Variants in NPAS3 observed in about 807,000 individuals in gnomAD.
The protein encoded by NPAS3 is neuronal PAS domain-containing protein 3.
NPAS3 carries 14 observed loss-of-function variants against 73.1 expected under a neutral mutation model. That is an observed-to-expected ratio of 0.19 (90% CI 0.13 to 0.30). The LOEUF (loss-of-function observed/expected upper bound fraction) is 0.30. Ranked by LOEUF, NPAS3 falls within the 10% of genes least tolerant of loss-of-function variation. NPAS3 has a pLI of 1.00. For synonymous variants in NPAS3, 620 were observed against 541.5 expected (o/e 1.14, Z -2.01); for missense variants, 1,096 against 1,250.0 (o/e 0.88, Z 1.86).
At chr14:33,570,238 A>C (rs999495642) in intron 5 of NPAS3, among the ~76,000 whole-genome samples, 3 of 152,246 alleles carry the variant, frequency 2.0e-5, no homozygotes, top group Non-Finnish European at 2.9e-5. Context: ...GATCGCTCCT[A>C]GTAAGCACAG....
chr14:33,277,658 C>T (rs1167080532), intron 3 of NPAS3, among the ~76,000 whole-genome samples: 1 of 152,134 alleles, frequency 6.6e-6, no homozygotes, highest in Non-Finnish European at 1.5e-5. Flanking sequence ...ATACAGATCC[C>T]TGAGAAGAGG....
chr14:33,551,832 T>C (rs1332782157), intron 4 of NPAS3, among the ~76,000 whole-genome samples: 1 of 152,220 alleles, frequency 6.6e-6, no homozygotes, highest in Admixed American at 6.5e-5. Context: ...GTCTTTTGAC[T>C]GCATGTTTTC....
chr14:32,989,910 C>A (rs1176955180), intron 1 of NPAS3, among the ~76,000 whole-genome samples: 1 of 152,070 alleles, frequency 6.6e-6, no homozygotes. Context: ...TTATTCCAGG[C>A]AAGACTTGGT....
Position 33,795,485 on chromosome 14 carries a change from A to C in NPAS3, c.1301+1441A>C, listed in dbSNP as rs117216393. Among the ~76,000 whole-genome samples, 393 of 152,320 alleles carry C rather than the reference A, an allele frequency of 2.6e-3. 4 individuals carry two copies. The highest frequency in any genetic ancestry group is 0.011 in the East Asian group (59 of 5,180). On this transcript the variant is annotated intron_variant, in intron 10 of 11. Coordinates refer to ENST00000356141, the Ensembl canonical transcript of NPAS3. The stretch of plus-strand genomic sequence containing the variant: ...TAAAAACTCACATGCCAGACAGAAA[A>C]TGGAATAAGGTCTTGTGGCACTGAC...
intron 2 of NPAS3, among the ~76,000 whole-genome samples, chr14:33,079,861 C>A (rs2041809456): frequency 6.6e-6 from 1 of 152,036 alleles, no homozygotes; most frequent in Non-Finnish European, 1.5e-5. Flanking sequence ...ATCTGCCCCC[C>A]TCAGCCTCCC....
rs532706903 is a variant in NPAS3 at position 32,990,069 on chromosome 14, G to T, written c.50+50703G>T. ...GGTTGGGTTCTACTCAGTACACTGT[G>T]TTTCTATTCCCTGAAACAGGGAATG... On this transcript the variant is annotated intron_variant, in intron 1 of 11. Transcript: ENST00000356141. Among the ~76,000 whole-genome samples the T allele has an allele frequency of 2.0e-5, 3 of 152,308 alleles. No individual in the cohort carries two copies. The South Asian group carries it at 6.2e-4, about 32-fold the overall frequency.
chr14:33,658,340 C>T (rs151230347), intron 5 of NPAS3, among the ~76,000 whole-genome samples: 1 of 152,272 alleles, frequency 6.6e-6, no homozygotes, highest in East Asian at 1.9e-4. Flanking sequence ...AACATTTAAG[C>T]CAGTAGTTTA....
intron 6 of NPAS3, among the ~76,000 whole-genome samples, chr14:33,710,289 G>A (rs2060781479): frequency 6.6e-6 from 1 of 152,150 alleles, no homozygotes; most frequent in South Asian, 2.1e-4. Context: ...CTAGAATAGA[G>A]CCAAAGTTGA....
intron 1 of NPAS3, among the ~76,000 whole-genome samples, chr14:33,030,617 C>T (rs185420139): frequency 6.6e-5 from 10 of 152,180 alleles, no homozygotes; most frequent in African/African-American, 7.2e-5. Context: ...AATGTCAAAA[C>T]AGGCGAAAAT....
chr14:33,411,394 G>C (rs1350625507), intron 4 of NPAS3, among the ~76,000 whole-genome samples: 2 of 152,106 alleles, frequency 1.3e-5, no homozygotes, highest in Non-Finnish European at 2.9e-5. Context: ...TGTTGGCCAG[G>C]CTGGTCTTGA....
intron 5 of NPAS3, among the ~76,000 whole-genome samples, chr14:33,666,543 G>A (rs1203610007): frequency 6.6e-6 from 1 of 152,220 alleles, no homozygotes; most frequent in African/African-American, 2.4e-5. Flanking sequence ...GGGAGCCCAT[G>A]CTGCATTTTA....
chr14:33,802,184 A>G (rs1226646960), downstream of NPAS3: 1 of 152,126 alleles, frequency 6.6e-6, no homozygotes, highest in East Asian at 1.9e-4. Flanking sequence ...GAAAATATTT[A>G]ACATGTTTTT....
chr14:33,146,538 T>C (rs562963733), intron 2 of NPAS3, among the ~76,000 whole-genome samples: 1 of 152,310 alleles, frequency 6.6e-6, no homozygotes, highest in East Asian at 1.9e-4. Context: ...CGCTGGAGGC[T>C]CAGTTATGAA....
chr14:33,226,612 C>A (rs943010313), intron 3 of NPAS3, among the ~76,000 whole-genome samples: 12 of 152,016 alleles, frequency 7.9e-5, no homozygotes, highest in African/African-American at 2.9e-4. Context: ...CTCAAGAAAC[C>A]AAATACAGTT....
At chr14:33,207,197 T>G (rs1235298707) in intron 2 of NPAS3, among the ~76,000 whole-genome samples, 2 of 151,622 alleles carry the variant, frequency 1.3e-5, no homozygotes, top group Non-Finnish European at 2.9e-5. Flanking sequence ...GATTAAGATC[T>G]GGATGCTTTC....
chr14:33,214,939 A>G, intron 2 of NPAS3: 1 of 515,238 alleles, frequency 1.9e-6, no homozygotes, highest in Non-Finnish European at 3.4e-6. Context: ...TGAAGGAAAA[A>G]AACCTTAACA....
upstream of NPAS3, among the ~76,000 whole-genome samples, chr14:32,938,486 T>TGACAGAGAGAGAGAGAGAGAGAGAGAGA (rs1555372900): frequency 6.7e-3 from 374 of 55,910 alleles, 61 homozygotes; most frequent in African/African-American, 0.018. Context: ...AGAGAGAAAT[T>TGACAGAGAGAGAGAGAGAGAGAGAGAGA]GAGAGAGAGA....
At chr14:33,524,426 A>G (rs954940629) in intron 4 of NPAS3, among the ~76,000 whole-genome samples, 1 of 152,202 alleles carries the variant, frequency 6.6e-6, no homozygotes, top group South Asian at 2.1e-4. Context: ...CAACAACCTA[A>G]TAAAGTAGAT....
At chr14:33,292,193 G>A (rs545178910) in intron 3 of NPAS3, among the ~76,000 whole-genome samples, 3 of 152,244 alleles carry the variant, frequency 2.0e-5, no homozygotes, top group Admixed American at 2.0e-4. Flanking sequence ...AAAAAGCATT[G>A]CAGTTAACAG....
Sources: gnomAD v4.1 joint callset for allele counts (sites outside exome capture counted in the v4.1 genomes callset) on GRCh38, gnomAD v4.1.1 for gene constraint, MANE v1.5 for transcripts, NCBI Gene and HGNC (gene_info 2026-07-23, HGNC 2026-07-21) for gene names.